The following MRTFB variants were observed in gnomAD, a reference collection of about 807,000 sequenced individuals.
The protein encoded by MRTFB is myocardin-related transcription factor B.
A neutral mutation model predicts 104.2 loss-of-function variants in MRTFB; 29 were observed. The ratio of observed to expected loss-of-function variants is 0.28; its 90% CI spans 0.21 to 0.38. The LOEUF is 0.38. MRTFB is among the 10% of genes least tolerant of loss of function. The pLI, the probability that MRTFB is intolerant of heterozygous loss-of-function variation, is 1.00. For synonymous variants in MRTFB, 535 were observed against 519.5 expected (o/e 1.03, Z -0.41); for missense variants, 1,270 against 1,341.6 (o/e 0.95, Z 0.83).
chr16:14,214,040 A>G (rs998436572), intron 6 of MRTFB, among the ~76,000 whole-genome samples: 2 of 152,106 alleles, frequency 1.3e-5, no homozygotes, highest in African/African-American at 4.8e-5. Context: ...TTTTCTCTTT[A>G]TTGCCACTTA....
At chr16:14,047,502 G>A in the MRTFB span, among the ~76,000 whole-genome samples, 8 of 152,296 alleles carry the variant, frequency 5.3e-5, no homozygotes, top group Admixed American at 2.0e-4. Context: ...CCGTTCTTAC[G>A]CTGCTGTTAA....
At chr16:14,085,968 C>G (rs776447432) in intron 2 of MRTFB, among the ~76,000 whole-genome samples, 3 of 152,116 alleles carry the variant, frequency 2.0e-5, no homozygotes, top group South Asian at 2.1e-4. Context: ...AGGTAGGAAA[C>G]TAGATCTTGT....
chr16:14,264,464 G>C lies in MRTFB; in HGVS notation c.*3020G>C, dbSNP rs1326134906. ...GAAACCTCATAGGACAGTGTTAGTGGTTCACGTTCTAGTGTTTTTCCTGAA... is the reference window on the plus strand; with the variant it reads ...GAAACCTCATAGGACAGTGTTAGTGCTTCACGTTCTAGTGTTTTTCCTGAA... On this transcript the variant is annotated 3_prime_UTR_variant, in exon 17 of 17. Transcript: ENST00000571589. 6.6e-6 allele frequency: 1 copy of C among 152,158 alleles called. No individual in the cohort carries two copies. The highest frequency in any genetic ancestry group is 2.4e-5 in the African/African-American group (1 of 41,424). The allele number at this position is 152,158 out of a possible 1,614,324, so 9.4% of individuals were successfully genotyped here.
intron 1 of MRTFB, among the ~76,000 whole-genome samples, chr16:14,078,594 ATTT>A (rs538876907): frequency 1.4e-5 from 2 of 140,682 alleles, no homozygotes; most frequent in Non-Finnish European, 3.1e-5. Flanking sequence ...CTCCTGGCAA[ATTT>A]TTTTTTTTTT....
At chr16:14,147,166 C>A (rs549779160) in intron 3 of MRTFB, among the ~76,000 whole-genome samples, 2 of 152,274 alleles carry the variant, frequency 1.3e-5, no homozygotes, top group South Asian at 2.1e-4. Flanking sequence ...AGAGTACTTA[C>A]ACTGAGAAAA....
intron 15 of MRTFB, among the ~76,000 whole-genome samples, chr16:14,254,061 A>G (rs566549650): frequency 4.1e-4 from 62 of 152,248 alleles, no homozygotes; most frequent in African/African-American, 1.4e-3. Context: ...TTCCACTGTA[A>G]CCTAAGACAG....
rs1428798344 is a variant in MRTFB at position 14,265,103 on chromosome 16, C to T, written c.*3659C>T. ...ATCCTCACTGGCTTCCATGCACCCACCTGACGGTAGCCTCACAGAAGTCCT... is the reference window on the plus strand; with the variant it reads ...ATCCTCACTGGCTTCCATGCACCCATCTGACGGTAGCCTCACAGAAGTCCT... On this transcript the variant is annotated 3_prime_UTR_variant, in exon 17 of 17. Transcript: ENST00000571589. The T allele has an allele frequency of 1.3e-5, 2 of 152,240 alleles. No homozygotes were observed. Among genetic ancestry groups the T allele is most frequent in the Non-Finnish European group, 2.9e-5 (2 of 68,046 alleles). The allele number at this position is 152,240 out of a possible 1,614,324, so 9.4% of individuals were successfully genotyped here. A position where few individuals can be genotyped will look rare whatever the true frequency, so the allele number is the denominator to read the frequency against.
the MRTFB span, among the ~76,000 whole-genome samples, chr16:14,054,375 T>C: frequency 6.6e-6 from 1 of 151,920 alleles, no homozygotes; most frequent in African/African-American, 2.4e-5. Flanking sequence ...TGCCACCACG[T>C]CTGGCTAATT....
intron 3 of MRTFB, among the ~76,000 whole-genome samples, chr16:14,156,466 G>T (rs1023925439): frequency 2.0e-5 from 3 of 152,194 alleles, no homozygotes; most frequent in Non-Finnish European, 4.4e-5. Flanking sequence ...TAAAGACCAG[G>T]CTAATAGTTA....
the MRTFB span, among the ~76,000 whole-genome samples, chr16:14,016,820 C>A: frequency 7.7e-6 from 1 of 130,116 alleles, no homozygotes; most frequent in East Asian, 2.4e-4. Context: ...TATTCCCAGG[C>A]CGTATGGTGG....
At chr16:14,109,695 C>T (rs2036174257) in intron 2 of MRTFB, among the ~76,000 whole-genome samples, 3 of 152,096 alleles carry the variant, frequency 2.0e-5, no homozygotes, top group Admixed American at 1.3e-4. Flanking sequence ...ACCATAAGAA[C>T]CGTGGAAGCT....
chr16:14,158,208 T>C (rs924279515), intron 3 of MRTFB, among the ~76,000 whole-genome samples: 2 of 152,222 alleles, frequency 1.3e-5, no homozygotes, highest in African/African-American at 2.4e-5. Flanking sequence ...CACATATTTT[T>C]ATAGATCCAC....
chr16:14,263,251 C>T lies in MRTFB; in HGVS notation c.*1807C>T, dbSNP rs1431953064. 3 of 152,070 alleles carry T rather than the reference C, an allele frequency of 2.0e-5. No homozygotes were observed. The highest frequency in any genetic ancestry group is 4.4e-5 in the Non-Finnish European group (3 of 68,064). The allele number at this position is 152,070 out of a possible 1,614,324, so 9.4% of individuals were successfully genotyped here. On this transcript the variant is annotated 3_prime_UTR_variant, in exon 17 of 17. Coordinates refer to ENST00000571589, the MANE Select transcript of MRTFB (RefSeq NM_001308142.2). The stretch of plus-strand genomic sequence containing the variant: ...AACCAACACACGGGATACAATAACT[C>T]TCTGTTAACCAGAACACCGTCATTT...
At chr16:14,184,900 C>G (rs1376077064) in intron 3 of MRTFB, among the ~76,000 whole-genome samples, 1 of 152,204 alleles carries the variant, frequency 6.6e-6, no homozygotes, top group Non-Finnish European at 1.5e-5. Context: ...TGACTTGAGT[C>G]TTGGCGTGTA....
At chr16:13,995,823 G>A in the MRTFB span, among the ~76,000 whole-genome samples, 6 of 152,048 alleles carry the variant, frequency 3.9e-5, no homozygotes, top group African/African-American at 1.4e-4. Flanking sequence ...ACAGCAAGGG[G>A]GATGACCGCT....
At chr16:14,231,960 G>T (rs1051675609) in intron 8 of MRTFB, among the ~76,000 whole-genome samples, 6 of 152,198 alleles carry the variant, frequency 3.9e-5, no homozygotes, top group Admixed American at 2.0e-4. Context: ...TGTTATGCTG[G>T]AGTCTGGTTT....
chr16:14,201,182 A>G (rs1006316944), intron 3 of MRTFB, among the ~76,000 whole-genome samples: 1 of 152,248 alleles, frequency 6.6e-6, no homozygotes, highest in African/African-American at 2.4e-5. Flanking sequence ...TGTTGGCACT[A>G]GAAACATTGT....
At chr16:14,005,161 A>G in the MRTFB span, among the ~76,000 whole-genome samples, 1 of 152,254 alleles carries the variant, frequency 6.6e-6, no homozygotes, top group Non-Finnish European at 1.5e-5. Context: ...CTGAGAACAC[A>G]AAAACGATCC....
At chr16:14,188,008 C>T (rs542922241) in intron 3 of MRTFB, among the ~76,000 whole-genome samples, 1 of 152,240 alleles carries the variant, frequency 6.6e-6, no homozygotes, top group African/African-American at 2.4e-5. Flanking sequence ...GTTAATTGGT[C>T]TAAGTAGTGC....
Sources: allele counts gnomAD v4.1 joint callset (sites outside exome capture counted in the v4.1 genomes callset), GRCh38; gene constraint gnomAD v4.1.1; transcripts MANE v1.5; gene names NCBI Gene and HGNC (gene_info 2026-07-23, HGNC 2026-07-21).